ZNF331: variants seen among roughly 807,000 people sequenced by gnomAD.
The protein encoded by ZNF331 is zinc finger protein 331, also known as C2H2-like zinc finger protein rearranged in thyroid adenomas.
A neutral mutation model predicts 7.0 loss-of-function variants in ZNF331; 2 were observed. The ratio of observed to expected loss-of-function variants is 0.29; its 90% CI spans 0.12 to 0.90. The LOEUF (loss-of-function observed/expected upper bound fraction) is 0.90. ZNF331 is among the 40% of genes least tolerant of loss of function. The pLI, the probability that ZNF331 is intolerant of heterozygous loss-of-function variation, is 0.58. For missense variants in ZNF331, 432 were observed against 587.7 expected (o/e 0.74, Z 2.74); for synonymous variants, 196 against 205.4 (o/e 0.95, Z 0.39).
Position 53,577,192 on chromosome 19 carries a change from G to C in ZNF331, c.632G>C (p.Gly211Ala). The part of the protein sequence containing the change: ...SLVIHKRIHT[G>A]EKPYECKDCG... Reference sequence around the variant, plus strand: ...GTTATTCATAAGAGGATTCATACTGGTGAAAAACCCTATGAATGTAAAGAC... The same window carrying C: ...GTTATTCATAAGAGGATTCATACTGCTGAAAAACCCTATGAATGTAAAGAC... The change falls in exon 6 of 6, where the codon GGT becomes GCT. Residue 211 changes from glycine (G) to alanine (A), a missense_variant. By Grantham distance (60) the Gly-to-Ala change is moderately conservative (BLOSUM62 0). This residue lies in a region of ZNF331 where 312 missense variants were observed against 448.6 expected (regional missense o/e 0.70). Transcript: ENST00000449416. 4 of 1,613,902 alleles carry C rather than the reference G, an allele frequency of 2.5e-6. No homozygotes were observed. Among genetic ancestry groups the C allele is most frequent in the Non-Finnish European group, 3.4e-6 (4 of 1,179,980 alleles).
At chr19:53,556,391 T>G (rs2089431448) in intron 3 of ZNF331, among the ~76,000 whole-genome samples, 1 of 152,142 alleles carries the variant, frequency 6.6e-6, no homozygotes, top group Admixed American at 6.5e-5. Flanking sequence ...CTGTCTCTTG[T>G]CTATTTTGCA....
intron 2 of ZNF331, among the ~76,000 whole-genome samples, chr19:53,549,007 C>A (rs1731373224): frequency 6.6e-6 from 1 of 152,028 alleles, no homozygotes; most frequent in Non-Finnish European, 1.5e-5. Flanking sequence ...TGCCACCACA[C>A]CTGGCTAATT....
At chr19:53,563,174 G>C (rs1295447828) in intron 3 of ZNF331, among the ~76,000 whole-genome samples, 1 of 125,864 alleles carries the variant, frequency 7.9e-6, no homozygotes, top group East Asian at 2.9e-4. Context: ...TGCAATCTCC[G>C]CCTCCCGGGT....
At position 53,558,359 on chromosome 19, in the gene ZNF331, C is replaced by G. The variant is rs2147500028; in HGVS notation, c.-74+2451C>G. ...CTGTTCCCGTGGAATTGGGGTGCGC[C>G]ACCTTTTCAGAGTTCTTTTGTACCT... On this transcript the variant is annotated intron_variant, in intron 3 of 5. Coordinates refer to ENST00000449416, the MANE Select transcript of ZNF331 (RefSeq NM_001079906.2). The surrounding 1 kb of genome is among the most constrained non-coding windows in gnomAD (Gnocchi z 4.5). 6.6e-6 allele frequency among the ~76,000 whole-genome samples: 1 copy of G among 152,212 alleles called. No individual in the cohort carries two copies. The highest frequency in any genetic ancestry group is 2.1e-4 in the South Asian group (1 of 4,820).
upstream of ZNF331, among the ~76,000 whole-genome samples, chr19:53,534,937 G>A (rs965156598): frequency 7.3e-6 from 1 of 137,240 alleles, no homozygotes; most frequent in Non-Finnish European, 1.5e-5. Flanking sequence ...ACAATGGTCT[G>A]TTTTCCTTAC....
intron 2 of ZNF331, among the ~76,000 whole-genome samples, chr19:53,540,873 A>G (rs1368919823): frequency 6.6e-6 from 1 of 152,042 alleles, no homozygotes; most frequent in Non-Finnish European, 1.5e-5. Context: ...CTCTGACCCT[A>G]CTTCTTTCTG....
the ZNF331 span, among the ~76,000 whole-genome samples, chr19:53,506,290 G>A: frequency 5.4e-3 from 570 of 106,122 alleles, 22 homozygotes; most frequent in Non-Finnish European, 7.6e-3. Context: ...AGCGGAGATC[G>A]CGCCACCGCA....
intron 5 of ZNF331, among the ~76,000 whole-genome samples, chr19:53,576,222 G>A (rs1041290140): frequency 6.6e-6 from 1 of 152,104 alleles, no homozygotes; most frequent in African/African-American, 2.4e-5. Context: ...GACCTCAGGT[G>A]ATCTGCCTGC....
At position 53,577,233 on chromosome 19, in the gene ZNF331, C is replaced by A. The variant is rs2090763585; in HGVS notation, c.673C>A (p.Arg225=). The change falls in exon 6 of 6, where the codon CGG becomes AGG. Residue 225 remains arginine, a synonymous_variant. Transcript: ENST00000449416. ...ATGTAAAGACTGTGGAAAGGCCTTT[C>A]GGCGTGGTGATGAGCTCACTCAGCA... ...YECKDCGKAF[R]RGDELTQHQR... is the part of the protein sequence containing the mutation. 4 of 1,612,966 alleles carry A rather than the reference C, an allele frequency of 2.5e-6. No individual in the cohort carries two copies. The Admixed American group carries it at 6.7e-5, about 27-fold the overall frequency.
intron 2 of ZNF331, among the ~76,000 whole-genome samples, chr19:53,525,265 T>A (rs1489035655): frequency 1.3e-5 from 2 of 152,198 alleles, no homozygotes; most frequent in African/African-American, 4.8e-5. Context: ...TTTGGTTCCA[T>A]ATGAACTTTA....
rs2147734476 is a variant in ZNF331, at chr19:53,578,951, C to T, written c.*999C>T. 5.6e-6 allele frequency: 1 copy of T among 180,036 alleles called. No homozygotes were observed. Among genetic ancestry groups the T allele is most frequent in the African/African-American group, 2.4e-5 (1 of 42,464 alleles). 11.2% of individuals were successfully genotyped at this position (180,036 alleles called of 1,614,324 possible). On this transcript the variant is annotated 3_prime_UTR_variant, in exon 6 of 6. Transcript: ENST00000449416. ...CAGTAGCTGGGATTACAGACATGCA[C>T]CACCACACCTGGCTAATTTTTGTAT... is the stretch of plus-strand genomic sequence containing the variant.
chr19:53,571,926 G>A lies in ZNF331; in HGVS notation c.136+196G>A, dbSNP rs951057338. Among the ~76,000 whole-genome samples, 2 of 151,926 alleles carry A rather than the reference G, an allele frequency of 1.3e-5. No individual in the cohort carries two copies. Among genetic ancestry groups the A allele is most frequent in the Non-Finnish European group, 2.9e-5 (2 of 68,006 alleles). ...CATCGGTTACCTTCCCACCTTTGTC[G>A]ACTCCCCCGTAATCATCTCACTTCC... On this transcript the variant is annotated intron_variant, in intron 5 of 5. Coordinates refer to ENST00000449416, the MANE Select transcript of ZNF331 (RefSeq NM_001079906.2). This position sits in a 1 kb window ranked among gnomAD's most constrained non-coding sequence, Gnocchi z 4.7.
intron 2 of ZNF331, among the ~76,000 whole-genome samples, chr19:53,527,140 G>A (rs1175839284): frequency 1.3e-5 from 2 of 151,940 alleles, no homozygotes; most frequent in East Asian, 2.0e-4. Flanking sequence ...AGTGAGAGCC[G>A]AGATTGTGCC....
At chr19:53,504,646 C>T in the ZNF331 span, among the ~76,000 whole-genome samples, 1 of 152,178 alleles carries the variant, frequency 6.6e-6, no homozygotes, top group Non-Finnish European at 1.5e-5. Context: ...CTGTCATTTT[C>T]GTGATGAATA....
rs150625317 is a variant in ZNF331 at position 53,579,625 on chromosome 19, T to C, written c.*1673T>C. ...AGTGAATTTTTACAAGAAAACTCCC[T>C]GTGGGTGCAATGAGTCTGGAAAAGA... On this transcript the variant is annotated 3_prime_UTR_variant, in exon 6 of 6. Coordinates refer to ENST00000449416, the MANE Select transcript of ZNF331 (RefSeq NM_001079906.2). 2.1e-3 allele frequency: 416 copies of C among 200,160 alleles called. No individual in the cohort carries two copies. Among genetic ancestry groups the C allele is most frequent in the African/African-American group, 8.6e-3 (377 of 43,594 alleles). The allele number at this position is 200,160 out of a possible 1,614,324, so 12.4% of individuals were successfully genotyped here.
intron 2 of ZNF331, among the ~76,000 whole-genome samples, chr19:53,553,806 C>T (rs1452235194): frequency 1.3e-5 from 2 of 152,184 alleles, no homozygotes; most frequent in African/African-American, 2.4e-5. Flanking sequence ...GAGAGGATAC[C>T]CTTCTGATGA....
chr19:53,559,037 T>C (rs920115364), intron 3 of ZNF331, among the ~76,000 whole-genome samples: 2 of 150,354 alleles, frequency 1.3e-5, no homozygotes, highest in African/African-American at 4.9e-5. Flanking sequence ...GAGACACATA[T>C]ATACACACCA....
chr19:53,565,673 C>T (rs1345055655), intron 3 of ZNF331, among the ~76,000 whole-genome samples: 2 of 151,768 alleles, frequency 1.3e-5, no homozygotes, highest in Admixed American at 6.6e-5. Flanking sequence ...ATTACAGGCA[C>T]GCACCACCAC....
At chr19:53,564,346 C>A (rs1294306378) in intron 3 of ZNF331, among the ~76,000 whole-genome samples, 1 of 151,920 alleles carries the variant, frequency 6.6e-6, no homozygotes, top group Non-Finnish European at 1.5e-5. Context: ...GTAGTGCGAT[C>A]TCGGCTCACT....
Sources: gnomAD v4.1 joint callset for allele counts (sites outside exome capture counted in the v4.1 genomes callset) on GRCh38, gnomAD v4.1.1 for gene constraint, gnomAD v4.1.1 regional missense constraint, Gnocchi (gnomAD v3.1) non-coding constraint, MANE v1.5 for transcripts, NCBI Gene and HGNC (gene_info 2026-07-23, HGNC 2026-07-21) for gene names.